Variants in ERC2 observed in about 807,000 individuals in gnomAD.
ERC2 encodes the protein ERC protein 2.
ERC2 carries 42 observed loss-of-function variants against 114.8 expected under a neutral mutation model. The observed-to-expected ratio is 0.37, with a 90% CI of 0.29 to 0.47. The LOEUF is 0.47. Ranked by LOEUF, ERC2 falls within the 20% of genes least tolerant of loss-of-function variation. The probability of loss-of-function intolerance (pLI) is 0.99; values close to 1 mark genes in which losing one functional copy is unlikely to be tolerated. For missense variants in ERC2, 939 were observed against 1,150.7 expected, an observed-to-expected ratio of 0.82 and a Z score of 2.66; for synonymous variants, 454 against 425.5, an observed-to-expected ratio of 1.07 and a Z score of -0.82.
intron 14 of ERC2, 64 bp from the exon 15 acceptor site, chr3:55,734,982 T>G: frequency 6.9e-7 from 1 of 1,440,456 alleles, no homozygotes; most frequent in Non-Finnish European, 9.2e-7. Context: ...ACAATTGGCA[T>G]TTATAGTTGA....
intron 10 of ERC2, among the ~76,000 whole-genome samples, chr3:55,999,443 T>C: frequency 6.6e-6 from 1 of 152,124 alleles, no homozygotes; most frequent in East Asian, 1.9e-4. Context: ...TAATCCTTGT[T>C]TACTCTGACA....
At chr3:56,291,337 T>A (rs2150346955) in intron 3 of ERC2, among the ~76,000 whole-genome samples, 1 of 152,320 alleles carries the variant, frequency 6.6e-6, no homozygotes, top group African/African-American at 2.4e-5. Context: ...CATTAGCACA[T>A]CAGTTGGAGT....
At chr3:55,547,459 C>T (rs898999633) in intron 17 of ERC2, among the ~76,000 whole-genome samples, 52 of 152,292 alleles carry the variant, frequency 3.4e-4, no homozygotes, top group Middle Eastern at 3.4e-3. Context: ...CTCCAGTGGA[C>T]GTTTCCGGTG....
At chr3:55,774,618 G>A (rs768821770) in intron 14 of ERC2, among the ~76,000 whole-genome samples, 5 of 152,220 alleles carry the variant, frequency 3.3e-5, no homozygotes, top group African/African-American at 1.2e-4. Flanking sequence ...TCAGAGGCTC[G>A]GATCTCCTTC....
chr3:56,047,313 T>C (rs1018241206), intron 7 of ERC2, among the ~76,000 whole-genome samples: 2 of 152,246 alleles, frequency 1.3e-5, no homozygotes, highest in African/African-American at 4.8e-5. Flanking sequence ...CACTGGATCC[T>C]GTCCTTAATC....
rs71099628 is a variant in ERC2, at chr3:56,252,757, C to CA, written c.1074+43261dup. On this transcript the variant is annotated intron_variant, in intron 3 of 17. Transcript: ENST00000288221. ...GGGCAACAAGAGCAAAACTCTGTCT[C>CA]AAAAAAAAAAAAAAAAAAAGACATG... Among the ~76,000 whole-genome samples, 504 of 74,108 alleles carry CA rather than the reference C, an allele frequency of 6.8e-3. 21 individuals carry two copies. The highest frequency in any genetic ancestry group is 0.019 in the East Asian group (45 of 2,346). The allele number at this position is 74,108 out of a possible 152,430, so 48.6% of individuals were successfully genotyped here.
intron 2 of ERC2, among the ~76,000 whole-genome samples, chr3:56,374,365 G>T (rs113474819): frequency 0.034 from 5,177 of 152,228 alleles, 106 homozygotes; most frequent in South Asian, 0.071. Context: ...CCAAAGTGCT[G>T]TAATTACAGG....
At chr3:56,115,602 T>A (rs1331032002) in intron 6 of ERC2, among the ~76,000 whole-genome samples, 1 of 152,192 alleles carries the variant, frequency 6.6e-6, no homozygotes, top group African/African-American at 2.4e-5. Context: ...CACAAACATA[T>A]ATATCACAGG....
At chr3:56,325,983 C>T (rs1020329761) in intron 2 of ERC2, among the ~76,000 whole-genome samples, 2 of 152,216 alleles carry the variant, frequency 1.3e-5, no homozygotes, top group African/African-American at 4.8e-5. Context: ...TGGTTGCATG[C>T]TCTTCTTGCA....
intron 7 of ERC2, among the ~76,000 whole-genome samples, chr3:56,037,716 C>T (rs571755098): frequency 2.0e-5 from 3 of 152,270 alleles, no homozygotes; most frequent in East Asian, 3.9e-4. Flanking sequence ...CAGTAAAATA[C>T]TCCATGAGAA....
At chr3:56,214,362 C>CCCATG (rs2049302236) in intron 3 of ERC2, among the ~76,000 whole-genome samples, 1 of 149,770 alleles carries the variant, frequency 6.7e-6, no homozygotes, top group Admixed American at 6.8e-5. Context: ...GCTTCAGTAG[C>CCCATG]TGATTCAATA....
At chr3:56,398,705 G>A (rs1168909266) in intron 2 of ERC2, among the ~76,000 whole-genome samples, 1 of 151,980 alleles carries the variant, frequency 6.6e-6, no homozygotes. Context: ...ATAGTTCACT[G>A]TAACTCCTGT....
chr3:55,934,611 G>C (rs929483038), intron 13 of ERC2, among the ~76,000 whole-genome samples: 1 of 152,072 alleles, frequency 6.6e-6, no homozygotes, highest in African/African-American at 2.4e-5. Context: ...AAAAGAGATG[G>C]CCACTGACAT....
chr3:55,959,608 C>T (rs948938165), intron 12 of ERC2, among the ~76,000 whole-genome samples: 5 of 152,214 alleles, frequency 3.3e-5, no homozygotes, highest in Non-Finnish European at 5.9e-5. Flanking sequence ...GAGCAGACCA[C>T]ACACAGATGT....
intron 3 of ERC2, among the ~76,000 whole-genome samples, chr3:56,272,427 A>G (rs1300222446): frequency 6.6e-6 from 1 of 152,206 alleles, no homozygotes; most frequent in Non-Finnish European, 1.5e-5. Context: ...GTGACTATTC[A>G]GATGCAATTC....
chr3:56,260,395 T>C (rs949165697), intron 3 of ERC2, among the ~76,000 whole-genome samples: 1 of 152,170 alleles, frequency 6.6e-6, no homozygotes, highest in Non-Finnish European at 1.5e-5. Context: ...CAAGGGCCCT[T>C]AATTTCTGTA....
rs566654527 is a variant in ERC2 at position 56,007,998 on chromosome 3, G to A, written c.1921-677C>T. Reference sequence around the variant, plus strand: ...AACCAACAGGCTCCACATATAGTTTGAATTCCAAAAACTACAGAAATAAAT... The same window carrying A: ...AACCAACAGGCTCCACATATAGTTTAAATTCCAAAAACTACAGAAATAAAT... On this transcript the variant is annotated intron_variant, in intron 9 of 17. Transcript: ENST00000288221. Among the ~76,000 whole-genome samples, 7 of 152,180 alleles carry A rather than the reference G, an allele frequency of 4.6e-5. No individual in the cohort carries two copies. In the East Asian group the frequency reaches 1.2e-3, roughly 25 times the overall value.
chr3:55,549,763 C>T (rs2055020694), intron 17 of ERC2, among the ~76,000 whole-genome samples: 2 of 151,962 alleles, frequency 1.3e-5, no homozygotes, highest in Admixed American at 1.3e-4. Context: ...TAAATATAGG[C>T]TTAATGCACA....
intron 3 of ERC2, among the ~76,000 whole-genome samples, chr3:56,223,330 C>T (rs560027239): frequency 6.6e-6 from 1 of 152,198 alleles, no homozygotes; most frequent in East Asian, 1.9e-4. Flanking sequence ...CTCTGTTAAC[C>T]ACTGTCCCCA....
Sources: allele counts gnomAD v4.1 joint callset (sites outside exome capture counted in the v4.1 genomes callset), GRCh38; gene constraint gnomAD v4.1.1; transcripts MANE v1.5; gene names NCBI Gene and HGNC (gene_info 2026-07-23, HGNC 2026-07-21).